RAB6A: variants seen among roughly 807,000 people sequenced by gnomAD.
RAB6A encodes RAB6A, member RAS oncogene family, also known as ras-related protein Rab-6A.
In RAB6A, 8 loss-of-function variants were observed where a neutral mutation model predicts 32.3. The observed-to-expected ratio is 0.25, with a 90% CI of 0.15 to 0.45. The LOEUF (loss-of-function observed/expected upper bound fraction) is 0.45. RAB6A is among the 20% of genes least tolerant of loss of function. The pLI, the probability that RAB6A is intolerant of heterozygous loss-of-function variation, is 1.00. For missense variants in RAB6A, 104 were observed against 249.4 expected (o/e 0.42, Z 3.93); for synonymous variants, 73 against 82.1 (o/e 0.89, Z 0.60).
chr11:73,713,941 AAC>A (rs1368679070), intron 5 of RAB6A, among the ~76,000 whole-genome samples: 1 of 152,028 alleles, frequency 6.6e-6, no homozygotes, highest in Non-Finnish European at 1.5e-5. Flanking sequence ...CTGCAATCCC[AAC>A]ACTTTGGGAA....
At chr11:73,713,138 A>G (rs1565359871) in intron 5 of RAB6A, among the ~76,000 whole-genome samples, 1 of 152,232 alleles carries the variant, frequency 6.6e-6, no homozygotes, top group Admixed American at 6.5e-5. Flanking sequence ...CCACCACTTC[A>G]GTGTGACTAC....
At chr11:73,682,717 A>T (rs1945380295) in intron 6 of RAB6A, among the ~76,000 whole-genome samples, 1 of 151,994 alleles carries the variant, frequency 6.6e-6, no homozygotes, top group African/African-American at 2.4e-5. Context: ...AGGCTGGAGT[A>T]CAGTGGCATG....
At chr11:73,714,944 C>A (rs561925909) in intron 5 of RAB6A, among the ~76,000 whole-genome samples, 2 of 152,040 alleles carry the variant, frequency 1.3e-5, no homozygotes, top group Admixed American at 1.3e-4. Context: ...CCAGCCTGGG[C>A]GACGGAATGA....
At chr11:73,710,083 G>A (rs1282296036) in intron 5 of RAB6A, among the ~76,000 whole-genome samples, 8 of 148,170 alleles carry the variant, frequency 5.4e-5, no homozygotes, top group Non-Finnish European at 1.0e-4. Context: ...CTCAACCTCC[G>A]GAGTAGCTGG....
intron 6 of RAB6A, among the ~76,000 whole-genome samples, chr11:73,685,240 A>G (rs567951857): frequency 1.2e-4 from 18 of 152,156 alleles, no homozygotes; most frequent in Middle Eastern, 3.4e-3. Flanking sequence ...AGTTAAGGGA[A>G]ATAATTATGC....
chr11:73,737,073 C>T (rs1056142992), intron 1 of RAB6A, among the ~76,000 whole-genome samples: 7 of 151,348 alleles, frequency 4.6e-5, no homozygotes, highest in African/African-American at 9.7e-5. Context: ...TCATATAGAA[C>T]GTATTATCTG....
intron 1 of RAB6A, among the ~76,000 whole-genome samples, chr11:73,748,025 T>C (rs556442008): frequency 4.6e-5 from 7 of 152,370 alleles, no homozygotes; most frequent in South Asian, 2.1e-4. Context: ...TTGGGGAAGA[T>C]ACTTTGAGAT....
chr11:73,704,897 G>T (rs896297108), intron 6 of RAB6A, among the ~76,000 whole-genome samples: 1 of 151,870 alleles, frequency 6.6e-6, no homozygotes, highest in African/African-American at 2.4e-5. Context: ...TCGGGAGGCT[G>T]AGGCAGGAGA....
At chr11:73,732,208 CA>C (rs919120294) in intron 1 of RAB6A, among the ~76,000 whole-genome samples, 4 of 151,184 alleles carry the variant, frequency 2.6e-5, no homozygotes, top group African/African-American at 7.3e-5. Context: ...AAAATGAATG[CA>C]AAAAAAACCT....
In RAB6A at chr11:73,760,597, T is replaced by C. The variant is rs1946830386; in HGVS notation, c.39A>G (p.Lys13=). 5 of 1,611,678 alleles carry C rather than the reference T, an allele frequency of 3.1e-6. No individual in the cohort carries two copies. Among genetic ancestry groups the C allele is most frequent in the Non-Finnish European group, 4.2e-6 (5 of 1,178,976 alleles). ...TGGDFGNPLR[K]FKLVFLGEQS... is the part of the protein sequence containing the mutation. ...GCTCCCCCAGGAACACCAGCTTGAATTTCCTCAGCGGATTCCCGAAGTCTC... is the reference window on the plus strand; with the variant it reads ...GCTCCCCCAGGAACACCAGCTTGAACTTCCTCAGCGGATTCCCGAAGTCTC... Residue 13 remains lysine, a synonymous_variant, in exon 1 of 8, where the codon AAA becomes AAG. Coordinates refer to ENST00000336083, the MANE Select transcript of RAB6A (RefSeq NM_198896.2).
intron 1 of RAB6A, among the ~76,000 whole-genome samples, chr11:73,739,913 GC>G (rs1374872361): frequency 6.6e-6 from 1 of 152,010 alleles, no homozygotes; most frequent in Non-Finnish European, 1.5e-5. Context: ...CAAAAAATTA[GC>G]TGGGCTTGGT....
chr11:73,754,575 T>A (rs1414002518), intron 1 of RAB6A, among the ~76,000 whole-genome samples: 2 of 152,214 alleles, frequency 1.3e-5, no homozygotes, highest in Non-Finnish European at 2.9e-5. Context: ...ACAATGTCAC[T>A]CTCACTAAAT....
chr11:73,727,295 G>A (rs1946237413), intron 2 of RAB6A, among the ~76,000 whole-genome samples: 1 of 151,592 alleles, frequency 6.6e-6, no homozygotes, highest in South Asian at 2.1e-4. Context: ...GAGTGGTGGC[G>A]TGTACCTGTA....
At chr11:73,680,175 C>T (rs968532749) in intron 6 of RAB6A, among the ~76,000 whole-genome samples, 1 of 151,866 alleles carries the variant, frequency 6.6e-6, no homozygotes, top group Non-Finnish European at 1.5e-5. Context: ...AAGCAATATA[C>T]CAAATACAAA....
chr11:73,736,891 T>C (rs966107894), intron 1 of RAB6A, among the ~76,000 whole-genome samples: 8 of 146,834 alleles, frequency 5.4e-5, no homozygotes, highest in East Asian at 2.0e-4. Flanking sequence ...GGTGGGAGGA[T>C]TGCTTGAGCC....
chr11:73,726,581 CAAAAAAAAA>C (rs60281561), intron 2 of RAB6A, among the ~76,000 whole-genome samples: 4 of 29,862 alleles, frequency 1.3e-4, no homozygotes, highest in Admixed American at 1.3e-3. Context: ...GACTCTGTCT[CAAAAAAAAA>C]AAAAAAAAAA....
chr11:73,677,546 G>T lies in RAB6A; in HGVS notation c.*352C>A. 1 of 482,966 alleles carries T rather than the reference G, an allele frequency of 2.1e-6. No individual in the cohort carries two copies. Among genetic ancestry groups the T allele is most frequent in the South Asian group, 3.3e-5 (1 of 30,240 alleles). 29.9% of individuals were successfully genotyped at this position (482,966 alleles called of 1,614,324 possible). ...AGATAAAGTAGGCTGTGAACATACC[G>T]CTCGTTAACCAAGCCATACTCATAC... On this transcript the variant is annotated 3_prime_UTR_variant, in exon 8 of 8. Coordinates refer to ENST00000336083, the MANE Select transcript of RAB6A (RefSeq NM_198896.2).
At chr11:73,759,983 G>A (rs1375543507) in intron 1 of RAB6A, 2 of 1,236,302 alleles carry the variant, frequency 1.6e-6, no homozygotes, top group Non-Finnish European at 2.1e-6. Flanking sequence ...TTTCCTCTAT[G>A]GCCCAGACTA....
chr11:73,704,218 G>C (rs186356763), intron 6 of RAB6A: 1 of 429,108 alleles, frequency 2.3e-6, no homozygotes, highest in Non-Finnish European at 4.7e-6. Flanking sequence ...CCTATTCTCT[G>C]GAAAAAAATT....
Sources: allele counts gnomAD v4.1 joint callset (sites outside exome capture counted in the v4.1 genomes callset), GRCh38; gene constraint gnomAD v4.1.1; transcripts MANE v1.5; gene names NCBI Gene and HGNC (gene_info 2026-07-23, HGNC 2026-07-21).